Variants in DOP1B observed in about 807,000 individuals in gnomAD.
DOP1B encodes the protein protein DOP1B.
Under a neutral mutation model 233.5 loss-of-function variants are expected in DOP1B, and 174 were observed. The observed-to-expected ratio is 0.75, with a 90% CI of 0.66 to 0.85. DOP1B has a LOEUF of 0.85. Ranked by LOEUF, DOP1B falls within the 40% of genes least tolerant of loss-of-function variation. The probability of loss-of-function intolerance (pLI) is 0.00; values close to 1 mark genes in which losing one functional copy is unlikely to be tolerated. For missense variants in DOP1B, 2,652 were observed against 2,846.6 expected (o/e 0.93, Z 1.56); for synonymous variants, 1,190 against 1,185.6 (o/e 1.00, Z -0.08).
At chr21:36,283,949 T>C (rs1270344069) in intron 32 of DOP1B, among the ~76,000 whole-genome samples, 2 of 147,458 alleles carry the variant, frequency 1.4e-5, no homozygotes, top group African/African-American at 2.5e-5. Context: ...TTTTTTTTTT[T>C]TTTTTTTTTT....
chr21:36,248,629 A>T, intron 21 of DOP1B, 61 bp downstream of exon 21: 2 of 1,497,346 alleles, frequency 1.3e-6, no homozygotes, highest in South Asian at 1.3e-5. Context: ...CACCCAAAAT[A>T]AATGTGTATA....
intron 2 of DOP1B, among the ~76,000 whole-genome samples, chr21:36,193,564 C>A (rs1002166612): frequency 6.6e-6 from 1 of 152,114 alleles, no homozygotes; most frequent in Non-Finnish European, 1.5e-5. Context: ...GAGTATCCTT[C>A]CTGCTTCTGC....
intron 27 of DOP1B, among the ~76,000 whole-genome samples, chr21:36,273,701 T>C (rs9977048): frequency 0.41 from 62,956 of 151,866 alleles, 13,142 homozygotes; most frequent in Middle Eastern, 0.51. Flanking sequence ...ACCAGGACTC[T>C]GGAGCTTCAT....
chr21:36,196,097 A>C (rs962028020), intron 2 of DOP1B, among the ~76,000 whole-genome samples: 2 of 152,264 alleles, frequency 1.3e-5, no homozygotes, highest in Admixed American at 6.5e-5. Context: ...CCTCTTAGGA[A>C]TCCCAGATGC....
intron 1 of DOP1B, among the ~76,000 whole-genome samples, chr21:36,157,879 C>T (rs1418808589): frequency 6.6e-6 from 1 of 152,170 alleles, no homozygotes. Context: ...AATGTTCCTT[C>T]ATATAGACAT....
rs1184979668 is a variant in DOP1B at position 36,278,441 on chromosome 21, TAGA to T, written c.5969+89_5969+91del. The T allele has an allele frequency of 1.1e-5, 16 of 1,436,816 alleles. No homozygotes were observed. The Admixed American group carries it at 2.6e-4, about 24-fold the overall frequency. The allele number at this position is 1,436,816 out of a possible 1,614,324, so 89.0% of individuals were successfully genotyped here. ...GTTTACAGAATTCTCATTCCTGAAA[TAGA>T]AGCAGAGCCATAGGATCAACCCAAA... is the stretch of plus-strand genomic sequence containing the variant. On this transcript the variant is annotated intron_variant, in intron 30 of 36. Coordinates refer to ENST00000691173, the MANE Select transcript of DOP1B (RefSeq NM_001320714.2).
Position 36,284,270 on chromosome 21 carries a change from T to TTTTC in DOP1B, c.6160+2662_6160+2663insCTTT, listed in dbSNP as rs2067455660. On this transcript the variant is annotated intron_variant, in intron 32 of 36. Coordinates refer to ENST00000691173, the MANE Select transcript of DOP1B (RefSeq NM_001320714.2). ...CAACCACCTGTTCCTTCTTTCTTTT[T>TTTTC]TTTTTTTTTTTTTTTTTTGAGACGG... 4.8e-5 allele frequency among the ~76,000 whole-genome samples: 6 copies of TTTTC among 124,582 alleles called. No homozygotes were observed. In the Admixed American group the frequency reaches 4.9e-4, roughly 10 times the overall value. The allele number at this position is 124,582 out of a possible 152,430, so 81.7% of individuals were successfully genotyped here. A position where few individuals can be genotyped will look rare whatever the true frequency, so the allele number is the denominator to read the frequency against.
intron 23 of DOP1B, among the ~76,000 whole-genome samples, chr21:36,258,095 A>G (rs2067128887): frequency 6.6e-6 from 1 of 152,056 alleles, no homozygotes; most frequent in Admixed American, 6.6e-5. Context: ...AGATAGATAG[A>G]TGTAGGTAGG....
chr21:36,238,785 G>A (rs548429221), intron 17 of DOP1B, 84 bp downstream of exon 17: 15 of 1,318,532 alleles, frequency 1.1e-5, no homozygotes, highest in Non-Finnish European at 1.6e-5. Flanking sequence ...GGCTGGGGAG[G>A]GAGAGGAGCG....
intron 36 of DOP1B, among the ~76,000 whole-genome samples, chr21:36,292,581 C>T (rs1219321932): frequency 6.6e-6 from 1 of 150,810 alleles, no homozygotes; most frequent in African/African-American, 2.4e-5. Context: ...CGCCACCATG[C>T]CTGGCTAATT....
At chr21:36,197,580 G>C (rs2066305769) in intron 2 of DOP1B, among the ~76,000 whole-genome samples, 1 of 152,214 alleles carries the variant, frequency 6.6e-6, no homozygotes, top group African/African-American at 2.4e-5. Flanking sequence ...GTAGAGGGAA[G>C]GCCTGTTCTG....
chr21:36,199,164 G>T lies in DOP1B; in HGVS notation c.233G>T (p.Gly78Val). 6.2e-7 allele frequency: 1 copy of T among 1,614,136 alleles called. No homozygotes were observed. The highest frequency in any genetic ancestry group is 8.5e-7 in the Non-Finnish European group (1 of 1,180,040). Reference sequence around the variant, plus strand: ...TGTTTGCACCCTGCCCTGCCCAGTGGTGTCCACTTAAAAGCTCTGGAAACC... The same window carrying T: ...TGTTTGCACCCTGCCCTGCCCAGTGTTGTCCACTTAAAAGCTCTGGAAACC... ...AQCLHPALPS[G>V]VHLKALETYE... is the part of the protein sequence containing the mutation. The change falls in exon 3 of 37, where the codon GGT becomes GTT. Residue 78 changes from glycine to valine, a missense_variant. Physicochemically the swap from Gly to Val is moderately radical, Grantham distance 109. Around this residue, in one of 3 missense-constraint regions of DOP1B, gnomAD observed 2,617 missense variants for 2,794.3 expected, o/e 0.94. Coordinates refer to ENST00000691173, the MANE Select transcript of DOP1B (RefSeq NM_001320714.2).
At chr21:36,176,801 G>A (rs1023976344) in intron 2 of DOP1B, among the ~76,000 whole-genome samples, 21 of 151,770 alleles carry the variant, frequency 1.4e-4, no homozygotes, top group Admixed American at 3.9e-4. Flanking sequence ...TCCAACTCCC[G>A]TTTTTTTCCC....
intron 26 of DOP1B, 33 bp from the exon 27 acceptor site, chr21:36,269,980 A>G (rs2067268594): frequency 6.2e-7 from 1 of 1,611,670 alleles, no homozygotes; most frequent in Non-Finnish European, 8.5e-7. Flanking sequence ...TCCTTAATTA[A>G]CTTCCTTTCC....
Position 36,208,940 on chromosome 21 carries a change from G to A in DOP1B, c.681+36G>A, listed in dbSNP as rs376940991. The A allele has an allele frequency of 1.0e-5, 15 of 1,471,394 alleles. 1 individual carries two copies. The East Asian group carries it at 1.5e-4, about 15-fold the overall frequency. The allele number at this position is 1,471,394 out of a possible 1,614,324, so 91.1% of individuals were successfully genotyped here. A position where few individuals can be genotyped will look rare whatever the true frequency, so the allele number is the denominator to read the frequency against. On this transcript the variant is annotated intron_variant, in intron 5 of 36. Transcript: ENST00000691173. ...TGTTCCTCACAGGGCATGGGGAGGA[G>A]GCGACATGTGGGCACAGCATCCTCA...
intron 16 of DOP1B, 95 bp downstream of exon 16, chr21:36,237,509 C>A (rs1428315942): frequency 8.0e-6 from 12 of 1,497,344 alleles, no homozygotes; most frequent in Admixed American, 1.8e-5. Flanking sequence ...CGAAGTCTTT[C>A]TGGGGCTGAG....
chr21:36,249,819 G>A (rs2067012665), intron 21 of DOP1B, among the ~76,000 whole-genome samples: 1 of 152,164 alleles, frequency 6.6e-6, no homozygotes, highest in African/African-American at 2.4e-5. Context: ...TTGCCATCCT[G>A]CATTTAGGTA....
chr21:36,248,210 A>G (rs1379150190), intron 20 of DOP1B, among the ~76,000 whole-genome samples, 170 bp from the exon 21 acceptor site: 1 of 152,236 alleles, frequency 6.6e-6, no homozygotes, highest in African/African-American at 2.4e-5. Context: ...AAAGAGAACC[A>G]TGGGTTGAAA....
At chr21:36,267,610 G>A (rs1188538272) in intron 26 of DOP1B, among the ~76,000 whole-genome samples, 4 of 147,624 alleles carry the variant, frequency 2.7e-5, no homozygotes, top group African/African-American at 1.0e-4. Context: ...CCAGGAGGTC[G>A]AGGCTGCAGT....
Sources: allele counts gnomAD v4.1 joint callset (sites outside exome capture counted in the v4.1 genomes callset), GRCh38; gene constraint gnomAD v4.1.1; regional missense constraint gnomAD v4.1.1; transcripts MANE v1.5; gene names NCBI Gene and HGNC (gene_info 2026-07-23, HGNC 2026-07-21).